Variants in PTPRA observed in about 807,000 individuals in gnomAD.
PTPRA encodes the protein receptor-type tyrosine-protein phosphatase alpha.
PTPRA carries 25 observed loss-of-function variants against 104.8 expected under a neutral mutation model. The observed-to-expected ratio is 0.24, with a 90% confidence interval of 0.17 to 0.33. PTPRA has a LOEUF of 0.33. Ranked by LOEUF, PTPRA falls within the 10% of genes least tolerant of loss-of-function variation. The pLI is 1.00. For missense variants in PTPRA, 765 were observed against 1,015.3 expected (o/e 0.75, Z 3.35); for synonymous variants, 323 against 368.9 (o/e 0.88, Z 1.43).
intron 11 of PTPRA, among the ~76,000 whole-genome samples, chr20:3,014,289 C>T (rs561389952): frequency 1.6e-4 from 25 of 152,298 alleles, no homozygotes; most frequent in African/African-American, 6.0e-4. Flanking sequence ...CTAAAGCTTT[C>T]TCCTTCTGTG....
the PTPRA span, chr20:2,864,657 C>G: frequency 6.2e-7 from 1 of 1,613,866 alleles, no homozygotes; most frequent in Admixed American, 1.7e-5. The surrounding 1 kb of genome is among the most constrained non-coding windows in gnomAD (Gnocchi z 5.2). Context: ...CAGAAGAGGT[C>G]TGAGATCCAT....
At chr20:2,867,301 G>C in the PTPRA span, among the ~76,000 whole-genome samples, 1 of 152,220 alleles carries the variant, frequency 6.6e-6, no homozygotes, top group Admixed American at 6.5e-5. Flanking sequence ...GGGTCAGGGG[G>C]TGGTGGCCTT....
At chr20:3,007,772 C>T (rs902676982) in intron 11 of PTPRA, among the ~76,000 whole-genome samples, 1 of 151,842 alleles carries the variant, frequency 6.6e-6, no homozygotes, top group Non-Finnish European at 1.5e-5. Flanking sequence ...GAATACCTGA[C>T]ATGACACCAG....
chr20:3,014,660 T>C (rs2064347643), intron 11 of PTPRA, among the ~76,000 whole-genome samples: 1 of 151,666 alleles, frequency 6.6e-6, no homozygotes, highest in Non-Finnish European at 1.5e-5. Context: ...AAAAAGAAAG[T>C]GGCTCCTCAG....
chr20:2,902,229 A>C (rs1260619120), intron 1 of PTPRA, among the ~76,000 whole-genome samples: 1 of 152,112 alleles, frequency 6.6e-6, no homozygotes, highest in African/African-American at 2.4e-5. Flanking sequence ...TTTTATACAG[A>C]TCATAAGATA....
chr20:2,985,698 G>T (rs1434688230), intron 6 of PTPRA, among the ~76,000 whole-genome samples: 2 of 152,140 alleles, frequency 1.3e-5, no homozygotes, highest in Non-Finnish European at 2.9e-5. Flanking sequence ...AAGGGAGCAG[G>T]GTGTGGAAAG....
intron 1 of PTPRA, among the ~76,000 whole-genome samples, chr20:2,917,864 G>A (rs1013954097): frequency 1.3e-5 from 2 of 151,944 alleles, no homozygotes; most frequent in Non-Finnish European, 2.9e-5. Context: ...ACCGAGGCGG[G>A]TGGATCTCGA....
At chr20:2,911,838 A>G (rs2059733826) in intron 1 of PTPRA, among the ~76,000 whole-genome samples, 1 of 152,180 alleles carries the variant, frequency 6.6e-6, no homozygotes, top group Admixed American at 6.5e-5. Flanking sequence ...GAAGACATGG[A>G]TATCAATCAG....
chr20:2,933,697 A>G (rs1349488770), intron 2 of PTPRA, among the ~76,000 whole-genome samples: 1 of 152,062 alleles, frequency 6.6e-6, no homozygotes, highest in Non-Finnish European at 1.5e-5. Context: ...CCTGACCTCA[A>G]GTGATTTGCC....
intron 12 of PTPRA, among the ~76,000 whole-genome samples, chr20:3,017,077 T>G (rs2064500825): frequency 6.6e-6 from 1 of 152,230 alleles, no homozygotes; most frequent in Non-Finnish European, 1.5e-5. Context: ...GTCATTGTGT[T>G]TTTTATATAC....
At chr20:2,928,114 C>T (rs546269949) in intron 2 of PTPRA, among the ~76,000 whole-genome samples, 79 of 152,092 alleles carry the variant, frequency 5.2e-4, no homozygotes, top group Admixed American at 9.2e-4. Flanking sequence ...TTCTGGTATC[C>T]GTTTTTTGTT....
chr20:2,965,114 A>G lies in PTPRA; in HGVS notation c.327A>G (p.Pro109=), dbSNP rs1444870607. 3 of 1,614,088 alleles carry G rather than the reference A, an allele frequency of 1.9e-6. No homozygotes were observed. The highest frequency in any genetic ancestry group is 4.5e-5 in the East Asian group (2 of 44,896). ...ITISPNGTWL[P]DNQFTDARTE... is the part of the protein sequence containing the mutation. ...TTTCACCAAATGGAACGTGGCTTCC[A>G]GATAACCAGTTCACGGATGCCAGAA... Residue 109 remains proline, a synonymous_variant, in exon 5 of 24, where the codon CCA becomes CCG. Coordinates refer to ENST00000399903, the MANE Select transcript of PTPRA (RefSeq NM_001385305.1).
intron 19 of PTPRA, 80 bp from the exon 20 acceptor site, chr20:3,027,627 C>T (rs1319420301): frequency 9.1e-6 from 14 of 1,533,262 alleles, no homozygotes; most frequent in Non-Finnish European, 1.2e-5. Context: ...AGTCCCCATT[C>T]CCTTCTAGTG....
In PTPRA at chr20:3,035,595, C is replaced by G. The variant is rs1000863593; in HGVS notation, c.1931C>G (p.Ala644Gly). The G allele has an allele frequency of 7.4e-6, 12 of 1,611,456 alleles. No individual in the cohort carries two copies. Among genetic ancestry groups the G allele is most frequent in the Non-Finnish European group, 8.5e-6 (10 of 1,177,734 alleles). Residue 644 changes from alanine (A) to glycine (G), a missense_variant, in exon 21 of 24, where the codon GCC becomes GGC. This residue lies in a region of PTPRA where 192 missense variants were observed against 227.0 expected (regional missense o/e 0.85). Coordinates refer to ENST00000399903, the MANE Select transcript of PTPRA (RefSeq NM_001385305.1). The surrounding 1 kb of genome is among the most constrained non-coding windows in gnomAD (Gnocchi z 5.8). ...ELEERGQEKC[A>G]QYWPSDGLVS... is the part of the protein sequence containing the mutation. ...AACCTGTCTCTCCAGGAGAAGTGTGCCCAGTACTGGCCATCTGATGGACTG... is the reference window on the plus strand; with the variant it reads ...AACCTGTCTCTCCAGGAGAAGTGTGGCCAGTACTGGCCATCTGATGGACTG...
At chr20:2,891,225 G>T (rs2058778107) in intron 1 of PTPRA, among the ~76,000 whole-genome samples, 1 of 152,100 alleles carries the variant, frequency 6.6e-6, no homozygotes, top group African/African-American at 2.4e-5. Flanking sequence ...ACTGCTGCAG[G>T]TTCCCTTGTT....
At chr20:2,891,340 C>T (rs1410318648) in intron 1 of PTPRA, among the ~76,000 whole-genome samples, 1 of 152,140 alleles carries the variant, frequency 6.6e-6, no homozygotes, top group Admixed American at 6.5e-5. Flanking sequence ...AATCCAAACT[C>T]CTTAACAGAG....
chr20:2,897,568 A>G (rs2059058962), intron 1 of PTPRA, among the ~76,000 whole-genome samples: 1 of 151,240 alleles, frequency 6.6e-6, no homozygotes. Context: ...TTGTATTTTT[A>G]GTTGAGATGG....
At chr20:2,933,468 GT>G (rs562357817) in intron 2 of PTPRA, among the ~76,000 whole-genome samples, 31 of 146,696 alleles carry the variant, frequency 2.1e-4, no homozygotes, top group Non-Finnish European at 3.9e-4. Context: ...GGTTGGTTGG[GT>G]TTTTTTTTTG....
intron 1 of PTPRA, among the ~76,000 whole-genome samples, chr20:2,893,393 A>G (rs1284563168): frequency 6.6e-6 from 1 of 152,230 alleles, no homozygotes; most frequent in Non-Finnish European, 1.5e-5. Flanking sequence ...TCCCTCAGAT[A>G]GCATAGCTGG....
Sources: allele counts gnomAD v4.1 joint callset (sites outside exome capture counted in the v4.1 genomes callset), GRCh38; gene constraint gnomAD v4.1.1; regional missense constraint gnomAD v4.1.1; non-coding constraint Gnocchi (gnomAD v3.1); transcripts MANE v1.5; gene names NCBI Gene and HGNC (gene_info 2026-07-23, HGNC 2026-07-21).